The following NCBP2L variants were observed in gnomAD, a reference collection of about 807,000 sequenced individuals.
NCBP2L encodes the protein nuclear cap binding protein subunit 2 like, also known as nuclear cap-binding protein subunit 2-like.
For synonymous variants in NCBP2L, 39 were observed against 19.2 expected, an observed-to-expected ratio of 2.04 and a Z score of -2.70; for missense variants, 95 against 53.1, an observed-to-expected ratio of 1.79 and a Z score of -2.45.
chrX:107,783,575 G>T (rs34695515), intron 1 of NCBP2L, among the ~76,000 whole-genome samples: 1 of 105,704 alleles, frequency 9.5e-6, no homozygotes, highest in African/African-American at 3.5e-5. Flanking sequence ...GTTTCACCAT[G>T]TTGGCCAGGC....
chrX:107,779,847 C>T (rs1930243313), intron 1 of NCBP2L, among the ~76,000 whole-genome samples: 1 of 103,959 alleles, frequency 9.6e-6, no homozygotes, highest in South Asian at 4.4e-4. Flanking sequence ...GGGTTCACGC[C>T]ATTCTCCTGC....
At chrX:107,782,210 A>T (rs34958465) in intron 1 of NCBP2L, among the ~76,000 whole-genome samples, 156 of 6,966 alleles carry the variant, frequency 0.022, 1 homozygote, top group African/African-American at 0.035. Flanking sequence ...TATATATATA[A>T]ATATATATAT....
chrX:107,783,371 T>TA (rs1158864938), intron 1 of NCBP2L, among the ~76,000 whole-genome samples: 12 of 90,395 alleles, frequency 1.3e-4, no homozygotes, highest in South Asian at 5.1e-4. Flanking sequence ...TTTTTTTTTT[T>TA]TTTTTTTTAT....
chrX:107,791,401 C>T (rs189899089), intron 1 of NCBP2L, among the ~76,000 whole-genome samples: 39 of 111,354 alleles, frequency 3.5e-4, no homozygotes, highest in African/African-American at 8.8e-4. Flanking sequence ...CATGCCACCA[C>T]GCCATGCTAA....
At chrX:107,781,665 T>C (rs1187463624) in intron 1 of NCBP2L, among the ~76,000 whole-genome samples, 1 of 71,499 alleles carries the variant, frequency 1.4e-5, no homozygotes, top group South Asian at 6.0e-4. Flanking sequence ...TATCTATCTA[T>C]CTATCTATCT....
chrX:107,778,954 A>G (rs2147804239), intron 1 of NCBP2L, among the ~76,000 whole-genome samples: 1 of 111,303 alleles, frequency 9.0e-6, no homozygotes, highest in East Asian at 2.8e-4. Flanking sequence ...AGGGGGTGGC[A>G]TGTCTTGGGT....
At chrX:107,783,358 CTTTT>C (rs769083822) in intron 1 of NCBP2L, among the ~76,000 whole-genome samples, 6 of 61,966 alleles carry the variant, frequency 9.7e-5, no homozygotes, top group East Asian at 9.6e-4. Flanking sequence ...TGGCACTTGC[CTTTT>C]TTTTTTTTTT....
At chrX:107,778,367 T>C (rs1602433137) in intron 1 of NCBP2L, among the ~76,000 whole-genome samples, 1 of 112,363 alleles carries the variant, frequency 8.9e-6, no homozygotes, top group East Asian at 2.8e-4. Flanking sequence ...TCCCTTGTTG[T>C]AGTCCTTGCT....
intron 1 of NCBP2L, among the ~76,000 whole-genome samples, chrX:107,782,349 AT>A (rs1930332687): frequency 1.4e-4 from 6 of 42,025 alleles, no homozygotes; most frequent in Middle Eastern, 8.8e-3. Context: ...ATATATATAT[AT>A]AAATATATAT....
chrX:107,789,813 T>C (rs1930429393), intron 1 of NCBP2L, among the ~76,000 whole-genome samples: 1 of 110,061 alleles, frequency 9.1e-6, no homozygotes, highest in Admixed American at 9.7e-5. Flanking sequence ...CTGCCACCCC[T>C]TAAATGCCAG....
intron 1 of NCBP2L, among the ~76,000 whole-genome samples, chrX:107,782,212 T>A (rs1197831546): frequency 3.2e-5 from 1 of 30,960 alleles, no homozygotes; most frequent in African/African-American, 1.7e-4. Context: ...TATATATAAA[T>A]ATATATATAA....
Position 107,794,437 on chromosome X carries a change from A to G in NCBP2L, c.217A>G (p.Lys73Glu), listed in dbSNP as rs1244624022. ...CAGGAATATCTTTATGGGCCTGGAT[A>G]AAATAAAGAAAACAGCATGTGGTTT... ...DIRNIFMGLD[K>E]IKKTACGFCF... The change falls in exon 2 of 2, where the codon AAA becomes GAA. Residue 73 changes from lysine (K) to glutamate (E), a missense_variant. Lys to Glu is a moderately conservative substitution (Grantham distance 56). Coordinates refer to ENST00000509000, the MANE Select transcript of NCBP2L (RefSeq NM_001348372.2). 1.8e-6 allele frequency: 1 copy of G among 568,975 alleles called. No homozygotes were observed. The highest frequency in any genetic ancestry group is 3.2e-6 in the Non-Finnish European group (1 of 309,348). 46.9% of individuals were successfully genotyped at this position (568,975 alleles called of 1,213,427 possible).
rs766844565 is a variant in NCBP2L at position 107,794,961 on chromosome X, G to A, written c.*279G>A. On this transcript the variant is annotated 3_prime_UTR_variant, in exon 2 of 2. Transcript: ENST00000509000. ...GTATGTAAGATCAGAGTCAACCAAA[G>A]CACAACTTCCCTTTTAAGAAGATTT... is the stretch of plus-strand genomic sequence containing the variant. The A allele has an allele frequency of 4.2e-5, 7 of 168,124 alleles. No individual in the cohort carries two copies. The highest frequency in any genetic ancestry group is 2.5e-4 in the East Asian group (2 of 8,032). The allele number at this position is 168,124 out of a possible 1,213,427, so 13.9% of individuals were successfully genotyped here. A position where few individuals can be genotyped will look rare whatever the true frequency, so the allele number is the denominator to read the frequency against.
chrX:107,789,174 CTTTTT>C (rs760912732), intron 1 of NCBP2L, among the ~76,000 whole-genome samples: 1 of 67,056 alleles, frequency 1.5e-5, no homozygotes, highest in Non-Finnish European at 2.7e-5. Context: ...GTCCTAACCT[CTTTTT>C]TTTTTTTTTT....
At chrX:107,785,628 C>T (rs1326835699) in intron 1 of NCBP2L, among the ~76,000 whole-genome samples, 3 of 111,520 alleles carry the variant, frequency 2.7e-5, no homozygotes, top group Non-Finnish European at 1.9e-5. Flanking sequence ...CCTCTCCATC[C>T]TGGGGGCCCT....
At chrX:107,789,619 A>G (rs995242857) in intron 1 of NCBP2L, among the ~76,000 whole-genome samples, 1 of 111,169 alleles carries the variant, frequency 9.0e-6, no homozygotes, top group African/African-American at 3.3e-5. Flanking sequence ...CTAATGAACA[A>G]TGTTAAGTCT....
intron 1 of NCBP2L, among the ~76,000 whole-genome samples, chrX:107,792,096 A>G (rs984039374): frequency 8.9e-6 from 1 of 112,481 alleles, no homozygotes; most frequent in African/African-American, 3.2e-5. Context: ...AGACATGGCC[A>G]ATAACAGAGC....
intron 1 of NCBP2L, among the ~76,000 whole-genome samples, chrX:107,791,303 A>G (rs1442032980): frequency 9.0e-6 from 1 of 110,507 alleles, no homozygotes; most frequent in Non-Finnish European, 1.9e-5. Context: ...CTGGAGTGCA[A>G]TGGCACAATT....
intron 1 of NCBP2L, among the ~76,000 whole-genome samples, chrX:107,778,662 C>G (rs1366691013): frequency 8.9e-6 from 1 of 111,834 alleles, no homozygotes; most frequent in East Asian, 2.8e-4. Context: ...TTTGCATAAA[C>G]TAAGAAAGCG....
Sources: allele counts gnomAD v4.1 joint callset (sites outside exome capture counted in the v4.1 genomes callset), GRCh38; gene constraint gnomAD v4.1.1; transcripts MANE v1.5; gene names NCBI Gene and HGNC (gene_info 2026-07-23, HGNC 2026-07-21).